The following ASXL2 variants were observed in gnomAD, a reference collection of about 807,000 sequenced individuals.
ASXL2 encodes ASXL transcriptional regulator 2.
In ASXL2, 23 loss-of-function variants were observed where a neutral mutation model predicts 122.0. The observed-to-expected ratio is 0.19, with a 90% confidence interval of 0.14 to 0.27. The LOEUF (loss-of-function observed/expected upper bound fraction) is 0.27. Ranked by LOEUF, ASXL2 falls within the 10% of genes least tolerant of loss-of-function variation. The pLI is 1.00. For missense variants in ASXL2, 1,518 were observed against 1,713.8 expected (o/e 0.89, Z 2.02); for synonymous variants, 650 against 637.0 (o/e 1.02, Z -0.31).
In ASXL2 at chr2:25,878,291, C is replaced by T. The variant is rs1470154718; in HGVS notation, c.-69G>A. On this transcript the variant is annotated 5_prime_UTR_variant, in exon 1 of 13. Transcript: ENST00000435504. ...GGCCGCCCTCCCTGCCTGCTCTGCCCTGCGCTGCTTTTCCCGCGGTGCCGG... is the reference window on the plus strand; with the variant it reads ...GGCCGCCCTCCCTGCCTGCTCTGCCTTGCGCTGCTTTTCCCGCGGTGCCGG... The T allele has an allele frequency of 6.5e-7, 1 of 1,541,066 alleles. No individual in the cohort carries two copies. Among genetic ancestry groups the T allele is most frequent in the African/African-American group, 1.4e-5 (1 of 73,010 alleles).
At chr2:25,772,231 C>G (rs1243280082) in intron 5 of ASXL2, among the ~76,000 whole-genome samples, 3 of 152,002 alleles carry the variant, frequency 2.0e-5, no homozygotes, top group African/African-American at 7.3e-5. Flanking sequence ...TAAAATTAAA[C>G]AATATGTGAG....
chr2:25,873,191 A>G (rs2089977095), intron 1 of ASXL2, among the ~76,000 whole-genome samples: 1 of 151,980 alleles, frequency 6.6e-6, no homozygotes, highest in Non-Finnish European at 1.5e-5. Flanking sequence ...GTTTTAGCCC[A>G]TGCCAATGCT....
In ASXL2 at chr2:25,741,137, C is replaced by G; in HGVS notation, c.*892G>C. On this transcript the variant is annotated 3_prime_UTR_variant, in exon 13 of 13. Transcript: ENST00000435504. Reference sequence around the variant, plus strand: ...AAATCACCCAATCACTAACACTTTCCTGTTCATTTTATATGAGTATTTCAA... The same window carrying G: ...AAATCACCCAATCACTAACACTTTCGTGTTCATTTTATATGAGTATTTCAA... 4.8e-6 allele frequency: 1 copy of G among 208,900 alleles called. No homozygotes were observed. Among genetic ancestry groups the G allele is most frequent in the Non-Finnish European group, 9.7e-6 (1 of 102,780 alleles). The allele number at this position is 208,900 out of a possible 1,614,324, so 12.9% of individuals were successfully genotyped here.
At chr2:25,838,658 A>C (rs2089541162) in intron 2 of ASXL2, among the ~76,000 whole-genome samples, 1 of 152,210 alleles carries the variant, frequency 6.6e-6, no homozygotes, top group East Asian at 1.9e-4. Flanking sequence ...AAACTGGGGC[A>C]CTAGGTGCTC....
intron 5 of ASXL2, among the ~76,000 whole-genome samples, chr2:25,776,148 T>C (rs1029958807): frequency 4.6e-5 from 7 of 152,200 alleles, no homozygotes; most frequent in African/African-American, 1.2e-4. Context: ...CCATACATGT[T>C]AACCGTTACT....
intron 3 of ASXL2, among the ~76,000 whole-genome samples, chr2:25,826,607 C>T (rs1050723771): frequency 2.0e-5 from 3 of 151,978 alleles, no homozygotes. Flanking sequence ...TTTTTCCGTA[C>T]TCCTTCCTAT....
intron 9 of ASXL2, among the ~76,000 whole-genome samples, chr2:25,758,073 A>T (rs537419602): frequency 6.6e-6 from 1 of 152,258 alleles, no homozygotes; most frequent in Non-Finnish European, 1.5e-5. Context: ...AGTTACCAAG[A>T]AGGACCGGTT....
intron 4 of ASXL2, 39 bp downstream of exon 4, chr2:25,806,190 G>T: frequency 7.3e-7 from 1 of 1,361,816 alleles, no homozygotes; most frequent in Non-Finnish European, 1.0e-6. Flanking sequence ...GTCACTTCCT[G>T]TTTTTTCTTT....
intron 1 of ASXL2, among the ~76,000 whole-genome samples, chr2:25,875,469 G>A (rs905869860): frequency 6.6e-6 from 1 of 151,752 alleles, no homozygotes; most frequent in African/African-American, 2.4e-5. Context: ...ATAGCAAAAC[G>A]ATTCTAAATA....
chr2:25,793,131 G>C (rs1368614568), intron 5 of ASXL2, among the ~76,000 whole-genome samples: 1 of 151,886 alleles, frequency 6.6e-6, no homozygotes, highest in Non-Finnish European at 1.5e-5. Context: ...TACTGGGGAG[G>C]CTGTGGCAGG....
chr2:25,748,674 G>A (rs1264992058), intron 12 of ASXL2, among the ~76,000 whole-genome samples: 1 of 152,104 alleles, frequency 6.6e-6, no homozygotes, highest in African/African-American at 2.4e-5. Context: ...AATATTCAGT[G>A]CGTTGCCTCT....
chr2:25,845,721 A>T lies in ASXL2; in HGVS notation c.58-158T>A, dbSNP rs1178552332. ...GTTTACTTTCTCCCTCCATCCCCAC[A>T]TCCCTTCACTACCTGTGACCTACTG... On this transcript the variant is annotated intron_variant, in intron 1 of 12. Transcript: ENST00000435504. Among the ~76,000 whole-genome samples, 3 of 152,226 alleles carry T rather than the reference A, an allele frequency of 2.0e-5. No individual in the cohort carries two copies. In the South Asian group the frequency reaches 6.2e-4, roughly 32 times the overall value.
At chr2:25,754,730 T>C (rs1371235520) in intron 10 of ASXL2, among the ~76,000 whole-genome samples, 3 of 151,888 alleles carry the variant, frequency 2.0e-5, no homozygotes, top group African/African-American at 7.3e-5. Context: ...TTGCTGACAG[T>C]ACCTAGTTAC....
Position 25,743,867 on chromosome 2 carries a change from G to C in ASXL2, c.2470C>G (p.Pro824Ala), listed in dbSNP as rs187408756. The change falls in exon 13 of 13, where the codon CCC becomes GCC. Residue 824 changes from proline to alanine, a missense_variant. This residue lies in a region of ASXL2 where 831 missense variants were observed against 833.1 expected (regional missense o/e 1.00). Coordinates refer to ENST00000435504, the MANE Select transcript of ASXL2 (RefSeq NM_018263.6). ...GCTTTCTCCTGTCTGCAACTACTGG[G>C]CCCTTGTGGATGGCTGACAGAGGCC... ...TVASVSHPQG[P>A]SSCRQEKAPS... 1 of 1,614,024 alleles carries C rather than the reference G, an allele frequency of 6.2e-7. No homozygotes were observed. Among genetic ancestry groups the C allele is most frequent in the Admixed American group, 1.7e-5 (1 of 60,026 alleles).
chr2:25,739,471 T>C lies in ASXL2; in HGVS notation c.*2558A>G, dbSNP rs1323894904. Reference sequence around the variant, plus strand: ...ACTGATAAATAGACTGGTATTCAAGTTACTACCCAACTGAGAGAACTTAAC... The same window carrying C: ...ACTGATAAATAGACTGGTATTCAAGCTACTACCCAACTGAGAGAACTTAAC... On this transcript the variant is annotated 3_prime_UTR_variant, in exon 13 of 13. Coordinates refer to ENST00000435504, the MANE Select transcript of ASXL2 (RefSeq NM_018263.6). The C allele has an allele frequency of 5.4e-6, 1 of 185,496 alleles. No individual in the cohort carries two copies. The highest frequency in any genetic ancestry group is 2.3e-5 in the African/African-American group (1 of 42,638). The allele number at this position is 185,496 out of a possible 1,614,324, so 11.5% of individuals were successfully genotyped here.
At chr2:25,876,496 C>A (rs1168487341) in intron 1 of ASXL2, among the ~76,000 whole-genome samples, 1 of 152,104 alleles carries the variant, frequency 6.6e-6, no homozygotes, top group Non-Finnish European at 1.5e-5. Context: ...CATAGAAAGA[C>A]CCTGTCTCTA....
intron 1 of ASXL2, among the ~76,000 whole-genome samples, chr2:25,876,206 T>G (rs547076184): frequency 7.7e-4 from 117 of 152,342 alleles, no homozygotes; most frequent in African/African-American, 2.8e-3. Context: ...CCTCAGGAAC[T>G]CTACTGATCA....
chr2:25,810,515 C>G, intron 3 of ASXL2: 2 of 744,438 alleles, frequency 2.7e-6, no homozygotes, highest in South Asian at 2.8e-5. Context: ...GAGGCCACCT[C>G]AGCCTCAGCC....
chr2:25,813,918 C>T (rs1459404761), intron 3 of ASXL2, among the ~76,000 whole-genome samples: 1 of 152,108 alleles, frequency 6.6e-6, no homozygotes, highest in Non-Finnish European at 1.5e-5. Flanking sequence ...GGCGTGATGG[C>T]GGGCGCCTGT....
Sources: allele counts gnomAD v4.1 joint callset (sites outside exome capture counted in the v4.1 genomes callset), GRCh38; gene constraint gnomAD v4.1.1; regional missense constraint gnomAD v4.1.1; transcripts MANE v1.5; gene names NCBI Gene and HGNC (gene_info 2026-07-23, HGNC 2026-07-21).